LDHA: variants seen among roughly 807,000 people sequenced by gnomAD.
LDHA encodes L-lactate dehydrogenase A chain.
LDHA carries 10 observed loss-of-function variants against 36.3 expected under a neutral mutation model. The observed-to-expected ratio is 0.28, with a 90% CI of 0.17 to 0.47. The LOEUF (loss-of-function observed/expected upper bound fraction) is 0.47. Ranked by LOEUF, LDHA falls within the 20% of genes least tolerant of loss-of-function variation. The pLI is 0.99. For missense variants in LDHA, 267 were observed against 405.8 expected (o/e 0.66, Z 2.94); for synonymous variants, 110 against 136.7 (o/e 0.80, Z 1.36).
intron 7 of LDHA, 68 bp from the exon 8 acceptor site, chr11:18,407,049 T>C: frequency 8.1e-7 from 1 of 1,234,142 alleles, no homozygotes; most frequent in Non-Finnish European, 1.2e-6. Flanking sequence ...ATAGAGACTG[T>C]AAGTCTTGGG....
intron 1 of LDHA, chr11:18,396,570 A>T: frequency 7.2e-7 from 1 of 1,383,088 alleles, no homozygotes. Flanking sequence ...TCAGGAGGCT[A>T]TACTTACACC....
At chr11:18,399,086 G>A in intron 2 of LDHA, 1 of 294,954 alleles carries the variant, frequency 3.4e-6, no homozygotes, top group Non-Finnish European at 6.6e-6. Context: ...TAAAATTGGT[G>A]TGTAGGATGG....
chr11:18,397,906 T>G (rs560569858), intron 2 of LDHA, among the ~76,000 whole-genome samples: 1 of 152,262 alleles, frequency 6.6e-6, no homozygotes, highest in African/African-American at 2.4e-5. Flanking sequence ...GAGAAGGGAC[T>G]AAAGACAGAA....
intron 7 of LDHA, 150 bp downstream of exon 7, chr11:18,405,722 G>T (rs970690263): frequency 1.5e-5 from 13 of 841,820 alleles, no homozygotes; most frequent in Non-Finnish European, 2.5e-5. Flanking sequence ...TGAAAGAAAT[G>T]GTTGAGCTTT....
chr11:18,401,680 G>GT (rs1565037368), intron 4 of LDHA, among the ~76,000 whole-genome samples: 4 of 148,160 alleles, frequency 2.7e-5, no homozygotes, highest in Admixed American at 6.8e-5. Flanking sequence ...GGTTTCATCA[G>GT]GTTAGCCAGG....
Position 18,405,663 on chromosome 11 carries a change from A to G in LDHA, c.834+91A>G. On this transcript the variant is annotated intron_variant, in intron 7 of 7. Transcript: ENST00000422447. ...TGAGAAAGATTAATACAAGTCTTCCATTACTGACTTAAGTGAAATAAATTA... is the reference window on the plus strand; with the variant it reads ...TGAGAAAGATTAATACAAGTCTTCCGTTACTGACTTAAGTGAAATAAATTA... The G allele has an allele frequency of 2.9e-6, 4 of 1,360,122 alleles. No individual in the cohort carries two copies. The African/African-American group carries it at 4.3e-5, about 15-fold the overall frequency. 84.3% of individuals were successfully genotyped at this position (1,360,122 alleles called of 1,614,324 possible).
In LDHA at chr11:18,402,821, A is replaced by G. The variant is rs2134028119; in HGVS notation, c.419-19A>G. The G allele has an allele frequency of 6.2e-7, 1 of 1,600,778 alleles. No individual in the cohort carries two copies. The highest frequency in any genetic ancestry group is 1.3e-5 in the African/African-American group (1 of 74,714). ...AGGGAGAGGATAATGGGTGATTTTT[A>G]TTTTCTCCTTTTTCATAGTGGATAT... On this transcript the variant is annotated intron_variant, in intron 4 of 7. Coordinates refer to ENST00000422447, the MANE Select transcript of LDHA (RefSeq NM_005566.4).
At position 18,407,169 on chromosome 11, in the gene LDHA, G is replaced by A. The variant is rs1257600663; in HGVS notation, c.887G>A (p.Gly296Glu). 6.2e-7 allele frequency: 1 copy of A among 1,610,780 alleles called. No homozygotes were observed. Residue 296 changes from glycine to glutamate, a missense_variant, in exon 8 of 8, where the codon GGA (glycine) becomes GAA (glutamate). Physicochemically the swap from Gly to Glu is moderately conservative, Grantham distance 98 (BLOSUM62 -2). Coordinates refer to ENST00000422447, the MANE Select transcript of LDHA (RefSeq NM_005566.4). The part of the protein sequence containing the change: ...DVFLSVPCIL[G>E]QNGISDLVKV... Reference sequence around the variant, plus strand: ...TTCCTTAGTGTTCCTTGCATTTTGGGACAGAATGGAATCTCAGACCTTGTG... The same window carrying A: ...TTCCTTAGTGTTCCTTGCATTTTGGAACAGAATGGAATCTCAGACCTTGTG...
intron 6 of LDHA, among the ~76,000 whole-genome samples, chr11:18,405,043 C>T (rs1260622188): frequency 2.0e-5 from 3 of 152,128 alleles, no homozygotes; most frequent in South Asian, 2.1e-4. Context: ...GTCCCCCTCA[C>T]GCTCCCACTT....
Position 18,407,878 on chromosome 11 carries a change from T to C in LDHA, c.*597T>C, listed in dbSNP as rs774686615. 4 of 453,984 alleles carry C rather than the reference T, an allele frequency of 8.8e-6. No homozygotes were observed. Among genetic ancestry groups the C allele is most frequent in the South Asian group, 3.1e-5 (2 of 64,474 alleles). The allele number at this position is 453,984 out of a possible 1,614,324, so 28.1% of individuals were successfully genotyped here. A position where few individuals can be genotyped will look rare whatever the true frequency, so the allele number is the denominator to read the frequency against. On this transcript the variant is annotated 3_prime_UTR_variant, in exon 8 of 8. Transcript: ENST00000422447. ...TTGGTTAATTCATTATATTAAGATA[T>C]AAAGTCATAAAGCTGCTAGTTATTA...
In LDHA at chr11:18,407,627, C is replaced by T. The variant is rs1866744609; in HGVS notation, c.*346C>T. The T allele has an allele frequency of 4.8e-6, 3 of 620,182 alleles. No individual in the cohort carries two copies. In the Admixed American group the frequency reaches 6.3e-5, roughly 13 times the overall value. The allele number at this position is 620,182 out of a possible 1,614,324, so 38.4% of individuals were successfully genotyped here. ...ATAACTTCCTGGCTCCTTCACTGAA[C>T]ATGCCTAGTCCAACATTTTTTCCCA... is the stretch of plus-strand genomic sequence containing the variant. On this transcript the variant is annotated 3_prime_UTR_variant, in exon 8 of 8. Coordinates refer to ENST00000422447, the MANE Select transcript of LDHA (RefSeq NM_005566.4).
intron 4 of LDHA, among the ~76,000 whole-genome samples, chr11:18,402,262 T>G (rs1016621787): frequency 1.3e-5 from 2 of 150,946 alleles, no homozygotes; most frequent in Non-Finnish European, 2.9e-5. Flanking sequence ...GGCCCATAAT[T>G]GTCTCTTAGT....
chr11:18,404,404 G>C (rs1866602428), intron 6 of LDHA, among the ~76,000 whole-genome samples: 1 of 151,930 alleles, frequency 6.6e-6, no homozygotes, highest in African/African-American at 2.4e-5. Flanking sequence ...GGGTGACAGA[G>C]TAAGAGCCTG....
At chr11:18,399,389 A>C in intron 2 of LDHA, 42 bp from the exon 3 acceptor site, 1 of 1,355,630 alleles carries the variant, frequency 7.4e-7, no homozygotes, top group Non-Finnish European at 1.1e-6. Flanking sequence ...AAAATCTAGA[A>C]GTGGCAATTT....
rs779023149 is a variant in LDHA at position 18,396,970 on chromosome 11, T to C, written c.126+2T>C. The C allele has an allele frequency of 2.5e-6, 4 of 1,610,966 alleles. No homozygotes were observed. Among genetic ancestry groups the C allele is most frequent in the Admixed American group, 3.3e-5 (2 of 59,978 alleles). ...TGTGCCATCAGTATCTTAATGAAGG[T>C]AAGTGAGAGTCTACCACACTGGAAG... On this transcript the variant is annotated splice_donor_variant, in intron 2 of 7. Coordinates refer to ENST00000422447, the MANE Select transcript of LDHA (RefSeq NM_005566.4). LOFTEE classifies it high-confidence loss of function.
intron 7 of LDHA, 27 bp from the exon 8 acceptor site, chr11:18,407,090 A>ATTTTTTTTTTTTTTTTTTTTTTTTTTT: frequency 6.9e-7 from 1 of 1,452,568 alleles, no homozygotes; most frequent in Non-Finnish European, 9.5e-7. Context: ...AAAATGTGAG[A>ATTTTTTTTTTTTTTTTTTTTTTTTTTT]TTTTTTTTTT....
At chr11:18,397,466 C>T (rs1254609291) in intron 2 of LDHA, 1 of 153,066 alleles carries the variant, frequency 6.5e-6, no homozygotes, top group African/African-American at 2.4e-5. Flanking sequence ...CTCCTTATTA[C>T]ACTATTGAAA....
intron 4 of LDHA, among the ~76,000 whole-genome samples, chr11:18,401,584 TCTC>T (rs1408991537): frequency 6.9e-6 from 1 of 145,296 alleles, no homozygotes; most frequent in Non-Finnish European, 1.5e-5. Context: ...TTCATGCCAT[TCTC>T]CTGCCTCAGC....
In LDHA at chr11:18,408,289, T is replaced by A. The variant is rs965880928; in HGVS notation, c.*1008T>A. 4.6e-6 allele frequency: 2 copies of A among 436,396 alleles called. No homozygotes were observed. The highest frequency in any genetic ancestry group is 9.1e-6 in the Non-Finnish European group (2 of 220,012). The allele number at this position is 436,396 out of a possible 1,614,324, so 27.0% of individuals were successfully genotyped here. ...TGGGCTGATCACTGGAGGCCAGGAATTGGGGACCAGCCTGGCCAACACAAC... is the reference window on the plus strand; with the variant it reads ...TGGGCTGATCACTGGAGGCCAGGAAATGGGGACCAGCCTGGCCAACACAAC... On this transcript the variant is annotated 3_prime_UTR_variant, in exon 8 of 8. Coordinates refer to ENST00000422447, the MANE Select transcript of LDHA (RefSeq NM_005566.4).
Sources: allele counts gnomAD v4.1 joint callset (sites outside exome capture counted in the v4.1 genomes callset), GRCh38; gene constraint gnomAD v4.1.1; transcripts MANE v1.5; gene names NCBI Gene and HGNC (gene_info 2026-07-23, HGNC 2026-07-21).